The following DENND1B variants were observed in gnomAD, a reference collection of about 807,000 sequenced individuals.
The protein encoded by DENND1B is DENN domain containing 1B.
DENND1B carries 59 observed loss-of-function variants against 90.1 expected under a neutral mutation model. The ratio of observed to expected loss-of-function variants is 0.65; its 90% CI spans 0.53 to 0.81. DENND1B has a LOEUF of 0.81. DENND1B is among the 40% of genes least tolerant of loss of function. The probability of loss-of-function intolerance (pLI) is 0.00; values close to 1 mark genes in which losing one functional copy is unlikely to be tolerated. For missense variants in DENND1B, 862 were observed against 912.6 expected (o/e 0.94, Z 0.71); for synonymous variants, 337 against 324.6 (o/e 1.04, Z -0.41).
chr1:197,744,921 T>C (rs1323844205), intron 2 of DENND1B, among the ~76,000 whole-genome samples: 1 of 152,232 alleles, frequency 6.6e-6, no homozygotes, highest in African/African-American at 2.4e-5. Flanking sequence ...TGCTTCACCA[T>C]ATACACTTTC....
At chr1:197,714,399 T>C (rs904051323) in intron 3 of DENND1B, among the ~76,000 whole-genome samples, 2 of 152,170 alleles carry the variant, frequency 1.3e-5, no homozygotes, top group Non-Finnish European at 2.9e-5. Flanking sequence ...GATTTTTCTA[T>C]TTACATATAT....
intron 2 of DENND1B, among the ~76,000 whole-genome samples, chr1:197,718,153 A>C (rs1381001127): frequency 6.6e-6 from 1 of 151,986 alleles, no homozygotes; most frequent in Non-Finnish European, 1.5e-5. Context: ...ATATGTTTTA[A>C]ATAATTTCCA....
chr1:197,679,195 G>A (rs1656397117), intron 3 of DENND1B, among the ~76,000 whole-genome samples: 1 of 151,386 alleles, frequency 6.6e-6, no homozygotes, highest in Admixed American at 6.6e-5. Flanking sequence ...AGTTCTATGT[G>A]CATAAGTCTT....
At chr1:197,528,676 C>T (rs1669319873) in intron 20 of DENND1B, among the ~76,000 whole-genome samples, 1 of 151,802 alleles carries the variant, frequency 6.6e-6, no homozygotes, top group African/African-American at 2.4e-5. Context: ...CCGGCTAAAA[C>T]GGTGAAACCC....
In DENND1B at chr1:197,688,482, A is replaced by G. The variant is rs566985571; in HGVS notation, c.127-14313T>C. ...TGGCAGAAAGACAGACATATAACCA[A>G]TGGAACAAAATAGAGAGCTCAGAAA... On this transcript the variant is annotated intron_variant, in intron 3 of 22. Transcript: ENST00000620048. 5.3e-5 allele frequency among the ~76,000 whole-genome samples: 8 copies of G among 152,246 alleles called. No individual in the cohort carries two copies. In the South Asian group the frequency reaches 1.7e-3, roughly 32 times the overall value.
upstream of DENND1B, among the ~76,000 whole-genome samples, chr1:197,776,640 GA>G (rs1657283683): frequency 6.6e-6 from 1 of 152,160 alleles, no homozygotes; most frequent in African/African-American, 2.4e-5. Flanking sequence ...ATAAAAGTCA[GA>G]AAAGGAGTCT....
intron 13 of DENND1B, among the ~76,000 whole-genome samples, chr1:197,600,992 T>C (rs1310191841): frequency 6.6e-6 from 1 of 151,594 alleles, no homozygotes; most frequent in Non-Finnish European, 1.5e-5. Context: ...ATGGTTTTTT[T>C]CCCGTGCCAC....
In DENND1B at chr1:197,510,983, GAAGA is replaced by G; in HGVS notation, c.1816-15_1816-12del. 1 of 1,478,428 alleles carries G rather than the reference GAAGA, an allele frequency of 6.8e-7. No individual in the cohort carries two copies. The highest frequency in any genetic ancestry group is 9.0e-7 in the Non-Finnish European group (1 of 1,113,698). 91.6% of individuals were successfully genotyped at this position (1,478,428 alleles called of 1,614,324 possible). On this transcript the variant is annotated splice_polypyrimidine_tract_variant and intron_variant, in intron 22 of 22. Transcript: ENST00000620048. Reference sequence around the variant, plus strand: ...AGCATTAGATTTATTCTGAAAAAAAGAAGAAACAACAAACTCAGAAAACTTTTAA... The same window carrying G: ...AGCATTAGATTTATTCTGAAAAAAAGAACAACAAACTCAGAAAACTTTTAA...
At chr1:197,656,840 A>G (rs569906738) in intron 6 of DENND1B, among the ~76,000 whole-genome samples, 4 of 148,380 alleles carry the variant, frequency 2.7e-5, no homozygotes, top group Non-Finnish European at 4.4e-5. Context: ...AGATTAAGGG[A>G]AAAAAAAATT....
intron 21 of DENND1B, 36 bp downstream of exon 21, chr1:197,512,835 A>T: frequency 6.3e-7 from 1 of 1,593,220 alleles, no homozygotes; most frequent in Non-Finnish European, 8.6e-7. Flanking sequence ...CTGTTAAGCC[A>T]TTCCACTTAA....
intron 18 of DENND1B, among the ~76,000 whole-genome samples, chr1:197,545,028 G>GGGGAGA (rs1670689168): frequency 9.2e-6 from 1 of 109,154 alleles, no homozygotes; most frequent in Non-Finnish European, 1.9e-5. Context: ...ACGAAAGAAG[G>GGGGAGA]AGGAGAAGGA....
At chr1:197,591,671 C>A (rs1244453611) in intron 14 of DENND1B, among the ~76,000 whole-genome samples, 2 of 152,076 alleles carry the variant, frequency 1.3e-5, no homozygotes, top group African/African-American at 2.4e-5. Flanking sequence ...AATTTATATA[C>A]CCATTATGAG....
At chr1:197,529,262 GTGTGTGTATATGTATATA>G (rs1669423978) in intron 20 of DENND1B, among the ~76,000 whole-genome samples, 1 of 90,910 alleles carries the variant, frequency 1.1e-5, no homozygotes, top group Non-Finnish European at 2.3e-5. Context: ...GTGTGTGTGT[GTGTGTGTATATGTATATA>G]TGTATATATA....
At chr1:197,582,255 T>C (rs998308130) in intron 15 of DENND1B, among the ~76,000 whole-genome samples, 1 of 152,214 alleles carries the variant, frequency 6.6e-6, no homozygotes, top group African/African-American at 2.4e-5. Flanking sequence ...GTTGCCATGC[T>C]GACTTCTTTA....
At chr1:197,736,616 G>T (rs1421784289) in intron 2 of DENND1B, among the ~76,000 whole-genome samples, 1 of 152,222 alleles carries the variant, frequency 6.6e-6, no homozygotes, top group Non-Finnish European at 1.5e-5. Context: ...AGGATTAGAG[G>T]TGTGAGCCAC....
At chr1:197,641,268 T>C (rs2125916316) in intron 10 of DENND1B, among the ~76,000 whole-genome samples, 1 of 152,268 alleles carries the variant, frequency 6.6e-6, no homozygotes, top group South Asian at 2.1e-4. Context: ...ATATCCTTTT[T>C]AATCTTAAAA....
intron 10 of DENND1B, among the ~76,000 whole-genome samples, chr1:197,629,130 G>A (rs1261603846): frequency 2.0e-5 from 3 of 152,062 alleles, no homozygotes; most frequent in African/African-American, 7.3e-5. Flanking sequence ...GATTCCTCAG[G>A]GATCTAGAAC....
At chr1:197,627,579 A>C (rs1678887612) in intron 10 of DENND1B, among the ~76,000 whole-genome samples, 1 of 152,098 alleles carries the variant, frequency 6.6e-6, no homozygotes, top group African/African-American at 2.4e-5. Flanking sequence ...ATCATACTGA[A>C]TGGGCAAAAA....
intron 20 of DENND1B, among the ~76,000 whole-genome samples, chr1:197,513,513 T>C (rs1668182029): frequency 4.0e-5 from 1 of 24,800 alleles, no homozygotes; most frequent in African/African-American, 7.2e-5. Context: ...AGGTCAATAC[T>C]GCTGAATCTG....
Sources: gnomAD v4.1 joint callset for allele counts (sites outside exome capture counted in the v4.1 genomes callset) on GRCh38, gnomAD v4.1.1 for gene constraint, MANE v1.5 for transcripts, NCBI Gene and HGNC (gene_info 2026-07-23, HGNC 2026-07-21) for gene names.